Variants in GRAMD2B observed in about 807,000 individuals in gnomAD.
GRAMD2B encodes GRAM domain containing 2B.
Under a neutral mutation model 59.2 loss-of-function variants are expected in GRAMD2B, and 41 were observed. That is an observed-to-expected ratio of 0.69 (90% CI 0.54 to 0.90). The LOEUF (loss-of-function observed/expected upper bound fraction) is 0.90. Among genes scored for constraint, GRAMD2B ranks in the 40% least tolerant of loss-of-function variants. GRAMD2B has a pLI of 0.00. For synonymous variants in GRAMD2B, 161 were observed against 182.7 expected (o/e 0.88, Z 0.96); for missense variants, 424 against 500.5 (o/e 0.85, Z 1.46).
intron 13 of GRAMD2B, among the ~76,000 whole-genome samples, chr5:126,491,774 C>T (rs930988074): frequency 6.6e-6 from 1 of 151,980 alleles, no homozygotes; most frequent in African/African-American, 2.4e-5. Context: ...TGCTCTGTCA[C>T]CCAGGCTGGA....
At position 126,423,644 on chromosome 5, in the gene GRAMD2B, C is replaced by T; in HGVS notation, c.38C>T (p.Pro13Leu). Residue 13 changes from proline (P) to leucine (L), a missense_variant, in exon 1 of 14, where the codon CCT (proline) becomes CTT (leucine). Coordinates refer to ENST00000285689, the MANE Select transcript of GRAMD2B (RefSeq NM_023927.4). Reference sequence around the variant, plus strand: ...CAGCAAGATGTGGAAGACACAAAGCCTGCGAAAGTGCTCGGGAAGAGGGAG... The same window carrying T: ...CAGCAAGATGTGGAAGACACAAAGCTTGCGAAAGTGCTCGGGAAGAGGGAG... ...ELQQDVEDTK[P>L]AKVLGKRESK... 6.2e-7 allele frequency: 1 copy of T among 1,609,254 alleles called. No individual in the cohort carries two copies. The highest frequency in any genetic ancestry group is 1.1e-5 in the South Asian group (1 of 89,870).
exon 1 of GRAMD2B, chr5:126,360,145 G>T: frequency 1.7e-6 from 1 of 586,118 alleles, no homozygotes; most frequent in Non-Finnish European, 3.0e-6. Flanking sequence ...CACACATGTG[G>T]GTTTCAAGTG....
Position 126,423,680 on chromosome 5 carries a change from G to T in GRAMD2B, c.74G>T (p.Gly25Val). 6.2e-7 allele frequency: 1 copy of T among 1,607,276 alleles called. No individual in the cohort carries two copies. ...CTCGGGAAGAGGGAGAGCAAACTTG[G>T]CTCAGCCCAGTGAGTATTCTCAGCT... ...KVLGKRESKLGSAHSEAENGV... is the reference protein window; with the variant it reads ...KVLGKRESKLVSAHSEAENGV... Residue 25 changes from glycine (G) to valine (V), a missense_variant, in exon 1 of 14, where the codon GGC (glycine) becomes GTC (valine). Physicochemically the swap from Gly to Val is moderately radical, Grantham distance 109 (BLOSUM62 -3). Coordinates refer to ENST00000285689, the MANE Select transcript of GRAMD2B (RefSeq NM_023927.4).
chr5:126,462,770 C>T (rs975073686), intron 1 of GRAMD2B, among the ~76,000 whole-genome samples: 1 of 152,150 alleles, frequency 6.6e-6, no homozygotes, highest in Non-Finnish European at 1.5e-5. Flanking sequence ...AATCAGCAGG[C>T]AGCATAGAGA....
chr5:126,472,117 T>C lies in GRAMD2B; in HGVS notation c.316-121T>C, dbSNP rs1769705168. The C allele has an allele frequency of 1.4e-5, 10 of 711,870 alleles. No individual in the cohort carries two copies. In the South Asian group the frequency reaches 1.7e-4, roughly 12 times the overall value. 44.1% of individuals were successfully genotyped at this position (711,870 alleles called of 1,614,324 possible). On this transcript the variant is annotated intron_variant, in intron 3 of 13. Transcript: ENST00000285689. ...AAGGCTTGTGTCAGAGACTGTAAGA[T>C]CAGTGAGAAGGAATTCCTAAAGATA...
intron 1 of GRAMD2B, among the ~76,000 whole-genome samples, chr5:126,462,091 G>A (rs1046724479): frequency 6.6e-6 from 1 of 152,120 alleles, no homozygotes; most frequent in African/African-American, 2.4e-5. Context: ...CTGACAACAG[G>A]GACAAGTCCA....
chr5:126,469,328 T>C (rs1769095462), intron 2 of GRAMD2B, among the ~76,000 whole-genome samples: 1 of 152,164 alleles, frequency 6.6e-6, no homozygotes, highest in Non-Finnish European at 1.5e-5. Flanking sequence ...TCAAGATTTA[T>C]TACAATAAAT....
upstream of GRAMD2B, among the ~76,000 whole-genome samples, chr5:126,369,347 G>A (rs1187939481): frequency 6.6e-6 from 1 of 152,170 alleles, no homozygotes; most frequent in Non-Finnish European, 1.5e-5. Flanking sequence ...TTATGGCCAA[G>A]TGGTTTAACC....
rs545336618 is a variant in GRAMD2B at position 126,446,632 on chromosome 5, A to C, written c.84-18794A>C. 9.9e-5 allele frequency among the ~76,000 whole-genome samples: 15 copies of C among 151,700 alleles called. No homozygotes were observed. In the South Asian group the frequency reaches 2.3e-3, roughly 23 times the overall value. On this transcript the variant is annotated intron_variant, in intron 1 of 13. Transcript: ENST00000285689. ...AGCTTTTAAAAATTAAAAAAAAAAA[A>C]AAAAAAAACCTATGTGTTCTCAATT...
intron 1 of GRAMD2B, among the ~76,000 whole-genome samples, chr5:126,403,284 CAGT>C (rs1757986371): frequency 1.3e-4 from 19 of 151,982 alleles, no homozygotes; most frequent in Middle Eastern, 3.2e-3. Flanking sequence ...GTAGTTAAAA[CAGT>C]AGAATTTGCA....
chr5:126,470,799 T>C (rs1769414837), intron 3 of GRAMD2B, among the ~76,000 whole-genome samples: 1 of 152,310 alleles, frequency 6.6e-6, no homozygotes, highest in East Asian at 1.9e-4. Flanking sequence ...CCTCAGGCGA[T>C]CCACCCACCT....
chr5:126,491,714 C>G (rs1773970293), intron 13 of GRAMD2B, among the ~76,000 whole-genome samples: 1 of 152,030 alleles, frequency 6.6e-6, no homozygotes, highest in Admixed American at 6.6e-5. Flanking sequence ...ATTCCTTGCT[C>G]TGAATTCTTT....
intron 1 of GRAMD2B, among the ~76,000 whole-genome samples, chr5:126,424,815 A>G (rs1760307082): frequency 6.6e-6 from 1 of 152,240 alleles, no homozygotes; most frequent in South Asian, 2.1e-4. Flanking sequence ...AGAATGAGGC[A>G]GGTGCTATTA....
At chr5:126,407,810 G>T (rs1323356609) in intron 1 of GRAMD2B, among the ~76,000 whole-genome samples, 3 of 151,972 alleles carry the variant, frequency 2.0e-5, no homozygotes, top group Non-Finnish European at 4.4e-5. Context: ...ATGTGATGAT[G>T]GTGATAACCA....
intron 1 of GRAMD2B, among the ~76,000 whole-genome samples, chr5:126,379,577 T>C (rs568506795): frequency 1.9e-4 from 29 of 152,304 alleles, no homozygotes; most frequent in Admixed American, 3.3e-4. Flanking sequence ...ATTATTTTTT[T>C]GATTTTTTTA....
chr5:126,404,301 G>A (rs1758081567), intron 1 of GRAMD2B, among the ~76,000 whole-genome samples: 1 of 151,942 alleles, frequency 6.6e-6, no homozygotes, highest in Non-Finnish European at 1.5e-5. Flanking sequence ...GTAGCTAGTA[G>A]AGGGAGTTAA....
At chr5:126,462,526 G>A in intron 1 of GRAMD2B, 1 of 691,196 alleles carries the variant, frequency 1.4e-6, no homozygotes, top group African/African-American at 1.9e-5. Context: ...AAAAACCTAA[G>A]ATCAAATTGA....
intron 1 of GRAMD2B, among the ~76,000 whole-genome samples, chr5:126,446,635 A>C (rs1475707722): frequency 2.6e-5 from 4 of 152,054 alleles, no homozygotes; most frequent in Admixed American, 6.5e-5. Flanking sequence ...AAAAAAAAAA[A>C]AAAAACCTAT....
chr5:126,488,775 T>C, intron 12 of GRAMD2B, 24 bp from the exon 13 acceptor site: 1 of 1,545,930 alleles, frequency 6.5e-7, no homozygotes, highest in South Asian at 1.1e-5. Context: ...CTGCCCATAA[T>C]AATTTTTCTC....
Sources: allele counts gnomAD v4.1 joint callset (sites outside exome capture counted in the v4.1 genomes callset), GRCh38; gene constraint gnomAD v4.1.1; transcripts MANE v1.5; gene names NCBI Gene and HGNC (gene_info 2026-07-23, HGNC 2026-07-21).